PGM2L1: variants seen among roughly 807,000 people sequenced by gnomAD.
PGM2L1 encodes phosphoglucomutase 2 like 1, also known as glucose 1,6-bisphosphate synthase.
A neutral mutation model predicts 73.4 loss-of-function variants in PGM2L1; 35 were observed. The ratio of observed to expected loss-of-function variants is 0.48; its 90% CI spans 0.36 to 0.63. PGM2L1 has a LOEUF of 0.63. Ranked by LOEUF, PGM2L1 falls within the 30% of genes least tolerant of loss-of-function variation. PGM2L1 has a pLI of 0.00. For missense variants in PGM2L1, 570 were observed against 742.0 expected, an observed-to-expected ratio of 0.77 and a Z score of 2.69; for synonymous variants, 225 against 253.8, an observed-to-expected ratio of 0.89 and a Z score of 1.08.
intron 1 of PGM2L1, among the ~76,000 whole-genome samples, chr11:74,385,872 ATCTC>A (rs1456141641): frequency 2.6e-5 from 4 of 152,206 alleles, no homozygotes; most frequent in Admixed American, 1.3e-4. Flanking sequence ...GAAGTTAAAT[ATCTC>A]TGTATCATGT....
At chr11:74,377,698 C>T (rs10793080) in intron 1 of PGM2L1, among the ~76,000 whole-genome samples, 109,984 of 152,012 alleles carry the variant, frequency 0.72, 39,994 homozygotes, top group East Asian at 0.81. Flanking sequence ...ATGTATATAT[C>T]ACTTTTTTAT....
chr11:74,350,062 A>G (rs899920070), intron 6 of PGM2L1, among the ~76,000 whole-genome samples: 8 of 152,184 alleles, frequency 5.3e-5, no homozygotes, highest in Admixed American at 4.6e-4. Context: ...GCTTTTGCCC[A>G]TATACTCTTT....
intron 5 of PGM2L1, among the ~76,000 whole-genome samples, chr11:74,367,228 A>T (rs1302889099): frequency 1.3e-5 from 2 of 152,152 alleles, no homozygotes; most frequent in African/African-American, 4.8e-5. Context: ...TGTTCTAGAG[A>T]CACTAATTTT....
intron 1 of PGM2L1, among the ~76,000 whole-genome samples, chr11:74,393,319 C>T (rs918094188): frequency 6.6e-6 from 1 of 152,128 alleles, no homozygotes; most frequent in African/African-American, 2.4e-5. Flanking sequence ...ATCCAAGCTC[C>T]CATCTAAGCT....
intron 7 of PGM2L1, 84 bp from the exon 8 acceptor site, chr11:74,346,913 T>G: frequency 8.6e-7 from 1 of 1,157,764 alleles, no homozygotes; most frequent in Non-Finnish European, 1.3e-6. Flanking sequence ...ACAATGTTAG[T>G]GATAGGAATT....
intron 6 of PGM2L1, among the ~76,000 whole-genome samples, chr11:74,349,665 A>G (rs1862320290): frequency 6.6e-6 from 1 of 152,154 alleles, no homozygotes; most frequent in Non-Finnish European, 1.5e-5. Context: ...TAGTAACAGA[A>G]CTAGTATTTT....
chr11:74,395,393 T>G (rs751785699), intron 1 of PGM2L1, among the ~76,000 whole-genome samples: 5 of 151,938 alleles, frequency 3.3e-5, no homozygotes, highest in Non-Finnish European at 7.4e-5. Flanking sequence ...TTATTTTGTT[T>G]TATTTATTTT....
intron 6 of PGM2L1, among the ~76,000 whole-genome samples, chr11:74,350,919 A>G (rs75919444): frequency 4.4e-5 from 6 of 135,542 alleles, no homozygotes; most frequent in Non-Finnish European, 6.3e-5. Flanking sequence ...GAGAGAGAGA[A>G]AGAGAGAGAG....
intron 1 of PGM2L1, among the ~76,000 whole-genome samples, chr11:74,396,605 G>A (rs1453629561): frequency 1.3e-5 from 2 of 151,948 alleles, no homozygotes; most frequent in African/African-American, 2.4e-5. Context: ...TAGTAGAGAC[G>A]GGGTTTCACC....
chr11:74,366,497 G>A (rs1417941090), intron 5 of PGM2L1, among the ~76,000 whole-genome samples: 1 of 150,528 alleles, frequency 6.6e-6, no homozygotes, highest in African/African-American at 2.4e-5. Flanking sequence ...TAAGTTCTGT[G>A]AAAGAAATAA....
In PGM2L1 at chr11:74,331,925, C is replaced by G. The variant is rs572106279; in HGVS notation, c.*4727G>C. On this transcript the variant is annotated 3_prime_UTR_variant, in exon 14 of 14. Coordinates refer to ENST00000298198, the MANE Select transcript of PGM2L1 (RefSeq NM_173582.6). ...GTCACTTTGTCCCTATTTGGTCACT[C>G]TACACATTCTTATAGGTTCTCTTTT... 6.6e-6 allele frequency: 1 copy of G among 152,254 alleles called. No individual in the cohort carries two copies. The highest frequency in any genetic ancestry group is 1.5e-5 in the Non-Finnish European group (1 of 68,038). The allele number at this position is 152,254 out of a possible 1,614,324, so 9.4% of individuals were successfully genotyped here.
intron 1 of PGM2L1, among the ~76,000 whole-genome samples, chr11:74,375,602 A>G (rs1476624812): frequency 6.6e-6 from 1 of 152,204 alleles, no homozygotes; most frequent in Non-Finnish European, 1.5e-5. Flanking sequence ...AAAGGTGCTA[A>G]ATATTACAGT....
chr11:74,363,398 A>G (rs1349851314), intron 5 of PGM2L1, among the ~76,000 whole-genome samples: 1 of 152,184 alleles, frequency 6.6e-6, no homozygotes, highest in Non-Finnish European at 1.5e-5. Context: ...TCAGAGAAGA[A>G]CTGAAGGAGA....
chr11:74,333,956 C>T lies in PGM2L1; in HGVS notation c.*2696G>A, dbSNP rs1169717247. 1 of 152,240 alleles carries T rather than the reference C, an allele frequency of 6.6e-6. No individual in the cohort carries two copies. Among genetic ancestry groups the T allele is most frequent in the African/African-American group, 2.4e-5 (1 of 41,472 alleles). The allele number at this position is 152,240 out of a possible 1,614,324, so 9.4% of individuals were successfully genotyped here. A position where few individuals can be genotyped will look rare whatever the true frequency, so the allele number is the denominator to read the frequency against. On this transcript the variant is annotated 3_prime_UTR_variant, in exon 14 of 14. Coordinates refer to ENST00000298198, the MANE Select transcript of PGM2L1 (RefSeq NM_173582.6). ...CGAGGCTGAGACCTCCTAGCCAGCA[C>T]TTCTGTCTCTCCTGACCAGCTTGGG...
Position 74,332,828 on chromosome 11 carries a change from A to T in PGM2L1, c.*3824T>A, listed in dbSNP as rs1001471029. On this transcript the variant is annotated 3_prime_UTR_variant, in exon 14 of 14. Transcript: ENST00000298198. ...TTAGAACCTCTCCATCTGCTAACGT[A>T]TCTACATCAAAATAACAACATATAT... is the stretch of plus-strand genomic sequence containing the variant. The T allele has an allele frequency of 2.0e-5, 3 of 152,572 alleles. No individual in the cohort carries two copies. Among genetic ancestry groups the T allele is most frequent in the Non-Finnish European group, 4.4e-5 (3 of 68,034 alleles). The allele number at this position is 152,572 out of a possible 1,614,324, so 9.5% of individuals were successfully genotyped here. A position where few individuals can be genotyped will look rare whatever the true frequency, so the allele number is the denominator to read the frequency against.
chr11:74,370,820 C>G (rs1449989788), intron 4 of PGM2L1, 82 bp downstream of exon 4: 2 of 1,293,728 alleles, frequency 1.5e-6, no homozygotes, highest in South Asian at 2.6e-5. Context: ...ACTACATGCA[C>G]AAAAAATATT....
intron 2 of PGM2L1, among the ~76,000 whole-genome samples, chr11:74,374,071 AAC>A (rs1229450319): frequency 0.13 from 17,557 of 139,410 alleles, 1,413 homozygotes; most frequent in East Asian, 0.24. Flanking sequence ...AAAAAAAAAA[AAC>A]CAGACTGAGA....
Position 74,342,440 on chromosome 11 carries a change from GA to G in PGM2L1, c.1632+20del, listed in dbSNP as rs745961551. On this transcript the variant is annotated intron_variant, in intron 12 of 13. Transcript: ENST00000298198. ...GCCATGAAATTTTCTAAATTGTTTGGAAAAAAAAAAAGGTACTTACTGATTT... is the reference window on the plus strand; with the variant it reads ...GCCATGAAATTTTCTAAATTGTTTGGAAAAAAAAAAGGTACTTACTGATTT... 0.013 allele frequency: 12,333 copies of G among 962,318 alleles called. 1 individual carries two copies. The highest frequency in any genetic ancestry group is 0.028 in the South Asian group (1,092 of 38,436). The allele number at this position is 962,318 out of a possible 1,614,324, so 59.6% of individuals were successfully genotyped here.
chr11:74,344,874 T>A (rs1332226797), intron 9 of PGM2L1, among the ~76,000 whole-genome samples: 1 of 152,196 alleles, frequency 6.6e-6, no homozygotes, highest in Non-Finnish European at 1.5e-5. Context: ...GTAGCCTGAC[T>A]ATGGCTCAAG....
Sources: allele counts gnomAD v4.1 joint callset (sites outside exome capture counted in the v4.1 genomes callset), GRCh38; gene constraint gnomAD v4.1.1; transcripts MANE v1.5; gene names NCBI Gene and HGNC (gene_info 2026-07-23, HGNC 2026-07-21).